Variants in SV2B observed in about 807,000 individuals in gnomAD.
The protein encoded by SV2B is synaptic vesicle glycoprotein 2B.
In SV2B, 41 loss-of-function variants were observed where a neutral mutation model predicts 73.9. The ratio of observed to expected loss-of-function variants is 0.56; its 90% CI spans 0.43 to 0.72. The LOEUF is 0.72. SV2B is among the 30% of genes least tolerant of loss of function. SV2B has a pLI of 0.00. For missense variants in SV2B, 764 were observed against 857.8 expected (o/e 0.89, Z 1.37); for synonymous variants, 314 against 314.2 (o/e 1.00, Z 0.01).
At chr15:91,175,829 C>T (rs7166009) in intron 1 of SV2B, among the ~76,000 whole-genome samples, 55,494 of 150,788 alleles carry the variant, frequency 0.37, 11,453 homozygotes, top group African/African-American at 0.53. Flanking sequence ...GACCAGATGC[C>T]GTGAATTTTC....
At chr15:91,149,140 A>G (rs770600782) in intron 1 of SV2B, among the ~76,000 whole-genome samples, 9 of 152,176 alleles carry the variant, frequency 5.9e-5, no homozygotes, top group Non-Finnish European at 1.0e-4. Flanking sequence ...ACTTTTACCA[A>G]TCATTGGTTG....
rs60079392 is a variant in SV2B, at chr15:91,253,711, G to A, written c.784+1191G>A. Among the ~76,000 whole-genome samples the A allele has an allele frequency of 7.9e-3, 1,202 of 152,304 alleles. 18 individuals carry two copies. Among genetic ancestry groups the A allele is most frequent in the African/African-American group, 0.026 (1,093 of 41,552 alleles). Reference sequence around the variant, plus strand: ...GGTCTCCGGTTTGGGGAAAGAGAATGGGCAGTTGTAGATTGGCTGAAGGCC... The same window carrying A: ...GGTCTCCGGTTTGGGGAAAGAGAATAGGCAGTTGTAGATTGGCTGAAGGCC... On this transcript the variant is annotated intron_variant, in intron 4 of 12. Transcript: ENST00000394232. This position sits in a 1 kb window ranked among gnomAD's most constrained non-coding sequence, Gnocchi z 5.0.
intron 1 of SV2B, among the ~76,000 whole-genome samples, chr15:91,164,971 G>A (rs1354314999): frequency 6.6e-6 from 1 of 152,164 alleles, no homozygotes; most frequent in African/African-American, 2.4e-5. Flanking sequence ...TTATCTGTTT[G>A]TGTTTTTTAG....
chr15:91,184,407 A>G (rs4322639), intron 1 of SV2B, among the ~76,000 whole-genome samples: 55,954 of 151,988 alleles, frequency 0.37, 10,796 homozygotes, highest in East Asian at 0.71. Context: ...CCTTACCTGG[A>G]CATCATAAAT....
chr15:91,284,333 C>G lies in SV2B; in HGVS notation c.1708+112C>G. On this transcript the variant is annotated intron_variant, in intron 11 of 12. Coordinates refer to ENST00000394232, the MANE Select transcript of SV2B (RefSeq NM_001323032.3). This position sits in a 1 kb window ranked among gnomAD's most constrained non-coding sequence, Gnocchi z 4.5. ...ATTAAATAATTCTTGCACAACAAACCCAACAAGTAAGATTGCACCCAGGGC... is the reference window on the plus strand; with the variant it reads ...ATTAAATAATTCTTGCACAACAAACGCAACAAGTAAGATTGCACCCAGGGC... The G allele has an allele frequency of 1.6e-6, 2 of 1,214,756 alleles. No individual in the cohort carries two copies. Among genetic ancestry groups the G allele is most frequent in the African/African-American group, 3.0e-5 (2 of 66,502 alleles). 75.2% of individuals were successfully genotyped at this position (1,214,756 alleles called of 1,614,324 possible). A position where few individuals can be genotyped will look rare whatever the true frequency, so the allele number is the denominator to read the frequency against.
At chr15:91,257,557 T>C (rs2047741763) in intron 4 of SV2B, among the ~76,000 whole-genome samples, 1 of 152,214 alleles carries the variant, frequency 6.6e-6, no homozygotes, top group Non-Finnish European at 1.5e-5. Context: ...CATTGGAATG[T>C]AGAAGTTCAG....
rs770466784 is a variant in SV2B at position 91,226,251 on chromosome 15, G to A, written c.-13G>A. On this transcript the variant is annotated 5_prime_UTR_variant, in exon 2 of 13. Coordinates refer to ENST00000394232, the MANE Select transcript of SV2B (RefSeq NM_001323032.3). ...TAGCTCAAGGGGCAACCAGGCAGTC[G>A]CAGAACCAAGGAATGGATGACTACA... 16 of 1,613,558 alleles carry A rather than the reference G, an allele frequency of 9.9e-6. No homozygotes were observed. The highest frequency in any genetic ancestry group is 1.6e-4 in the Middle Eastern group (1 of 6,068).
At chr15:91,108,680 C>A (rs2041956020) in intron 1 of SV2B, among the ~76,000 whole-genome samples, 1 of 152,216 alleles carries the variant, frequency 6.6e-6, no homozygotes. Flanking sequence ...TACCCTCTCT[C>A]CACCACCCTC....
intron 1 of SV2B, among the ~76,000 whole-genome samples, chr15:91,126,426 C>T (rs1294598482): frequency 6.6e-6 from 1 of 152,148 alleles, no homozygotes; most frequent in East Asian, 1.9e-4. Context: ...TTGATATATC[C>T]ATCTGGAGAT....
chr15:91,193,656 TTC>T (rs1227992954), intron 1 of SV2B, among the ~76,000 whole-genome samples: 2 of 152,208 alleles, frequency 1.3e-5, no homozygotes, highest in African/African-American at 2.4e-5. Context: ...AGCTTTCATC[TTC>T]TCAAAGTTGT....
chr15:91,126,464 A>G (rs530551211), intron 1 of SV2B, among the ~76,000 whole-genome samples: 7 of 152,346 alleles, frequency 4.6e-5, no homozygotes, highest in African/African-American at 1.2e-4. Flanking sequence ...CTGTGGCTGC[A>G]GGGTTGATGA....
intron 5 of SV2B, 107 bp from the exon 6 acceptor site, chr15:91,260,213 A>G: frequency 1.0e-6 from 1 of 957,068 alleles, no homozygotes; most frequent in South Asian, 1.6e-5. Context: ...CCTGCTAGGA[A>G]TGCTCGTATC....
intron 1 of SV2B, among the ~76,000 whole-genome samples, chr15:91,203,843 C>G (rs1439654372): frequency 6.6e-6 from 1 of 152,036 alleles, no homozygotes; most frequent in East Asian, 1.9e-4. Flanking sequence ...TCTCTCCTCC[C>G]CTCTCCCCCT....
At chr15:91,171,948 A>G (rs74038094) in intron 1 of SV2B, among the ~76,000 whole-genome samples, 63,454 of 151,952 alleles carry the variant, frequency 0.42, 16,715 homozygotes, top group African/African-American at 0.74. Flanking sequence ...ACAGCAATCC[A>G]TATCACTCTG....
intron 2 of SV2B, among the ~76,000 whole-genome samples, chr15:91,250,320 C>A (rs528997597): frequency 2.0e-5 from 3 of 152,108 alleles, no homozygotes; most frequent in Non-Finnish European, 2.9e-5. Flanking sequence ...AGCATCCTTT[C>A]GTGATAAAAA....
chr15:91,179,772 G>C (rs1340702876), intron 1 of SV2B, among the ~76,000 whole-genome samples: 2 of 151,850 alleles, frequency 1.3e-5, no homozygotes, highest in Non-Finnish European at 2.9e-5. Context: ...CTTTTATTTT[G>C]AGCCTATGTG....
At chr15:91,148,824 A>C (rs920629502) in intron 1 of SV2B, among the ~76,000 whole-genome samples, 1 of 152,182 alleles carries the variant, frequency 6.6e-6, no homozygotes, top group African/African-American at 2.4e-5. Flanking sequence ...TCAGGCAGAG[A>C]GAATTCTTTC....
intron 1 of SV2B, among the ~76,000 whole-genome samples, chr15:91,109,550 A>G (rs905758503): frequency 9.2e-5 from 14 of 152,202 alleles, no homozygotes; most frequent in Non-Finnish European, 1.5e-4. Context: ...TGAGCTGTCT[A>G]TCATTACCCC....
intron 1 of SV2B, among the ~76,000 whole-genome samples, chr15:91,103,287 G>A (rs943513363): frequency 3.7e-4 from 56 of 152,184 alleles, no homozygotes; most frequent in African/African-American, 1.3e-3. Context: ...TCTCCCATCC[G>A]GATGGAGGAC....
Sources: gnomAD v4.1 joint callset for allele counts (sites outside exome capture counted in the v4.1 genomes callset) on GRCh38, gnomAD v4.1.1 for gene constraint, Gnocchi (gnomAD v3.1) non-coding constraint, MANE v1.5 for transcripts, NCBI Gene and HGNC (gene_info 2026-07-23, HGNC 2026-07-21) for gene names.